OTUD7A: variants seen among roughly 807,000 people sequenced by gnomAD.
OTUD7A encodes OTU deubiquitinase 7A.
In OTUD7A, 12 loss-of-function variants were observed where a neutral mutation model predicts 65.7. The ratio of observed to expected loss-of-function variants is 0.18; its 90% CI spans 0.12 to 0.30. The LOEUF is 0.30. Among genes scored for constraint, OTUD7A ranks in the 10% least tolerant of loss-of-function variants. The pLI, the probability that OTUD7A is intolerant of heterozygous loss-of-function variation, is 1.00. For synonymous variants in OTUD7A, 641 were observed against 586.3 expected (o/e 1.09, Z -1.35); for missense variants, 1,148 against 1,304.8 (o/e 0.88, Z 1.85).
Position 31,798,018 on chromosome 15 carries a change from T to G in OTUD7A, c.-100+72489A>C, listed in dbSNP as rs143831958. Among the ~76,000 whole-genome samples, 219 of 152,326 alleles carry G rather than the reference T, an allele frequency of 1.4e-3. 1 individual carries two copies. Among genetic ancestry groups the G allele is most frequent in the African/African-American group, 4.8e-3 (199 of 41,574 alleles). On this transcript the variant is annotated intron_variant, in intron 1 of 12. Transcript: ENST00000307050. ...CCCGCCTTTTCACTGCGTCTTCACA[T>G]GGGCATTGCTCTGTGTGTGGACATC...
intron 5 of OTUD7A, chr15:31,558,722 T>C (rs8024709): frequency 0.31 from 178,180 of 576,224 alleles, 31,181 homozygotes; most frequent in East Asian, 0.66. Flanking sequence ...AGGACTGGGA[T>C]TTAGGAGCAA....
intron 1 of OTUD7A, among the ~76,000 whole-genome samples, chr15:31,862,927 G>A (rs530654986): frequency 3.7e-4 from 56 of 152,270 alleles, no homozygotes; most frequent in African/African-American, 1.0e-3. Flanking sequence ...AATCAAAAGC[G>A]AGCTACTTAC....
chr15:31,855,155 A>AG (rs1242794844), intron 1 of OTUD7A, among the ~76,000 whole-genome samples: 237 of 152,342 alleles, frequency 1.6e-3, no homozygotes, highest in African/African-American at 5.4e-3. Flanking sequence ...TGTCAATTAC[A>AG]AGGGTTTTAC....
chr15:31,765,711 G>C, intron 1 of OTUD7A: 1 of 973,872 alleles, frequency 1.0e-6, no homozygotes, highest in South Asian at 1.6e-5. Flanking sequence ...ATTTATCAAA[G>C]TTCCACAAGT....
At chr15:31,778,112 C>T (rs1451653779) in intron 1 of OTUD7A, among the ~76,000 whole-genome samples, 1 of 151,962 alleles carries the variant, frequency 6.6e-6, no homozygotes, top group Non-Finnish European at 1.5e-5. Flanking sequence ...TGGGAATGGC[C>T]GAATGTGCAG....
At chr15:31,662,068 C>T (rs1892180800) in intron 1 of OTUD7A, among the ~76,000 whole-genome samples, 1 of 152,194 alleles carries the variant, frequency 6.6e-6, no homozygotes, top group Non-Finnish European at 1.5e-5. Flanking sequence ...ATTTGGGGCA[C>T]ACTTTGGTGC....
At chr15:31,575,839 T>C (rs139958064) in intron 3 of OTUD7A, among the ~76,000 whole-genome samples, 128 of 152,298 alleles carry the variant, frequency 8.4e-4, no homozygotes, top group African/African-American at 3.0e-3. Flanking sequence ...GAGCTGGACA[T>C]AGTCCGTGAA....
At position 31,487,045 on chromosome 15, in the gene OTUD7A, G is replaced by A. The variant is rs2041247357; in HGVS notation, c.1371+149C>T. ...TGGCTAGGTCAAAGGAGGTGGAGGA[G>A]CTACTGGGCTGTGGGTATGGCTGGG... On this transcript the variant is annotated intron_variant, in intron 12 of 12. Transcript: ENST00000307050. The surrounding 1 kb of genome is among the most constrained non-coding windows in gnomAD (Gnocchi z 6.0). 1.0e-5 allele frequency: 7 copies of A among 691,168 alleles called. No individual in the cohort carries two copies. Among genetic ancestry groups the A allele is most frequent in the Admixed American group, 5.5e-5 (2 of 36,264 alleles). The allele number at this position is 691,168 out of a possible 1,614,324, so 42.8% of individuals were successfully genotyped here.
At chr15:31,749,737 G>A (rs1894578415) in intron 1 of OTUD7A, among the ~76,000 whole-genome samples, 1 of 151,758 alleles carries the variant, frequency 6.6e-6, no homozygotes, top group Non-Finnish European at 1.5e-5. Flanking sequence ...AATAAAAGGT[G>A]TACAATTTTT....
chr15:31,766,437 ACAG>A (rs1364025956), intron 1 of OTUD7A: 1 of 1,581,984 alleles, frequency 6.3e-7, no homozygotes, highest in African/African-American at 1.4e-5. Context: ...GCCAGTCAAC[ACAG>A]AAGAAGCTGG....
At chr15:31,683,663 A>T (rs1373097221) in intron 1 of OTUD7A, among the ~76,000 whole-genome samples, 1 of 152,226 alleles carries the variant, frequency 6.6e-6, no homozygotes, top group East Asian at 1.9e-4. Flanking sequence ...CAGAAATAAA[A>T]AAATTAAAAA....
intron 1 of OTUD7A, among the ~76,000 whole-genome samples, chr15:31,868,945 T>A (rs563617841): frequency 6.6e-6 from 1 of 152,264 alleles, no homozygotes; most frequent in East Asian, 1.9e-4. Flanking sequence ...TCCTTACAGA[T>A]CCAATAAAAT....
chr15:31,702,553 T>C (rs1595715986), intron 1 of OTUD7A, among the ~76,000 whole-genome samples: 1 of 150,848 alleles, frequency 6.6e-6, no homozygotes, highest in East Asian at 1.9e-4. Flanking sequence ...AAAATATGCA[T>C]AGGACTTGTA....
At position 31,561,690 on chromosome 15, in the gene OTUD7A, T is replaced by G. The variant is rs368232002; in HGVS notation, c.332-2503A>C. 2.5e-4 allele frequency among the ~76,000 whole-genome samples: 38 copies of G among 152,188 alleles called. No homozygotes were observed. The South Asian group carries it at 7.3e-3, about 29-fold the overall frequency. The stretch of plus-strand genomic sequence containing the variant: ...AAATATTAATAGATTGCGTTGAAGA[T>G]CATATAAAATGAGAAATATATGCTC... On this transcript the variant is annotated intron_variant, in intron 4 of 12. Coordinates refer to ENST00000307050, the MANE Select transcript of OTUD7A (RefSeq NM_001382637.1).
At chr15:31,517,786 A>G (rs2041879538) in intron 8 of OTUD7A, among the ~76,000 whole-genome samples, 2 of 152,190 alleles carry the variant, frequency 1.3e-5, no homozygotes, top group Admixed American at 1.3e-4. Context: ...AGCAAAGGTC[A>G]TGGAGCAAGG....
intron 8 of OTUD7A, among the ~76,000 whole-genome samples, chr15:31,520,175 A>G (rs2041918655): frequency 6.6e-6 from 1 of 152,230 alleles, no homozygotes; most frequent in Non-Finnish European, 1.5e-5. Context: ...GAGCCTGTCT[A>G]GCCAACGGAA....
intron 1 of OTUD7A, among the ~76,000 whole-genome samples, chr15:31,855,303 A>C (rs1449818741): frequency 6.6e-6 from 1 of 152,232 alleles, no homozygotes; most frequent in East Asian, 1.9e-4. Flanking sequence ...CTGTGCTAAA[A>C]GACAGGAGAA....
intron 1 of OTUD7A, among the ~76,000 whole-genome samples, chr15:31,825,453 G>C (rs1447415085): frequency 6.6e-6 from 1 of 152,126 alleles, no homozygotes; most frequent in Non-Finnish European, 1.5e-5. Flanking sequence ...AACAGTATGG[G>C]GGAAACTGCC....
chr15:31,689,675 A>T (rs1460008096), intron 1 of OTUD7A, among the ~76,000 whole-genome samples: 1 of 152,240 alleles, frequency 6.6e-6, no homozygotes, highest in Non-Finnish European at 1.5e-5. Context: ...TCCCACTCCC[A>T]ACACACGATC....
Sources: gnomAD v4.1 joint callset for allele counts (sites outside exome capture counted in the v4.1 genomes callset) on GRCh38, gnomAD v4.1.1 for gene constraint, Gnocchi (gnomAD v3.1) non-coding constraint, MANE v1.5 for transcripts, NCBI Gene and HGNC (gene_info 2026-07-23, HGNC 2026-07-21) for gene names.